BTBD16: variants seen among roughly 807,000 people sequenced by gnomAD.
The protein encoded by BTBD16 is BTB/POZ domain-containing protein 16.
A neutral mutation model predicts 67.4 loss-of-function variants in BTBD16; 66 were observed. The ratio of observed to expected loss-of-function variants is 0.98; its 90% CI spans 0.80 to 1.20. BTBD16 has a LOEUF of 1.20. Among genes scored for constraint, BTBD16 ranks in the 50% most tolerant of loss-of-function variants. BTBD16 has a pLI of 0.00. For missense variants in BTBD16, 634 were observed against 616.0 expected (o/e 1.03, Z -0.31); for synonymous variants, 242 against 236.4 (o/e 1.02, Z -0.22).
At chr10:122,302,598 C>A (rs116776547) in intron 9 of BTBD16, among the ~76,000 whole-genome samples, 1 of 152,208 alleles carries the variant, frequency 6.6e-6, no homozygotes, top group Admixed American at 6.5e-5. Context: ...TTGCATCTGT[C>A]CCATGGCTTT....
intron 10 of BTBD16, among the ~76,000 whole-genome samples, chr10:122,320,818 A>T (rs568200557): frequency 2.8e-4 from 43 of 152,252 alleles, no homozygotes; most frequent in Non-Finnish European, 4.7e-4. Context: ...AAAATTTTTT[A>T]AAAGTCTTTA....
chr10:122,323,080 T>C (rs986108549), intron 10 of BTBD16, among the ~76,000 whole-genome samples: 6 of 152,260 alleles, frequency 3.9e-5, no homozygotes, highest in Non-Finnish European at 2.9e-5. Context: ...CTTTGAATGT[T>C]CTTTAATGGT....
At position 122,297,827 on chromosome 10, in the gene BTBD16, C is replaced by G; in HGVS notation, c.650C>G (p.Ala217Gly). The G allele has an allele frequency of 6.2e-7, 1 of 1,614,126 alleles. No individual in the cohort carries two copies. Among genetic ancestry groups the G allele is most frequent in the Non-Finnish European group, 8.5e-7 (1 of 1,180,002 alleles). ...KPSTIKKFYEAGCKYKEEQLT... is the reference protein window; with the variant it reads ...KPSTIKKFYEGGCKYKEEQLT... ...AGCACCATCAAGAAATTCTACGAGG[C>G]CGGCTGCAAGGTGAGAACAACCCAG... Residue 217 changes from alanine to glycine, a missense_variant, in exon 8 of 16, where the codon GCC becomes GGC. Physicochemically the swap from Ala to Gly is moderately conservative, Grantham distance 60. Transcript: ENST00000260723.
chr10:122,282,823 C>T (rs1048138603), intron 3 of BTBD16, among the ~76,000 whole-genome samples: 1 of 152,190 alleles, frequency 6.6e-6, no homozygotes, highest in Non-Finnish European at 1.5e-5. Flanking sequence ...GGGAAAATCC[C>T]AGGACGGGCA....
chr10:122,321,865 C>A (rs1448626333), intron 10 of BTBD16, among the ~76,000 whole-genome samples: 2 of 152,040 alleles, frequency 1.3e-5, no homozygotes, highest in Non-Finnish European at 2.9e-5. Flanking sequence ...GTTTTTATTG[C>A]AATTGCTTTT....
intron 10 of BTBD16, among the ~76,000 whole-genome samples, chr10:122,318,072 T>C (rs1277680839): frequency 6.6e-6 from 1 of 152,062 alleles, no homozygotes; most frequent in East Asian, 1.9e-4. Flanking sequence ...CACAAACACA[T>C]GTGTTGTGCT....
In BTBD16 at chr10:122,329,624, C is replaced by T; in HGVS notation, c.1003+53C>T. The T allele has an allele frequency of 6.0e-6, 9 of 1,507,090 alleles. No homozygotes were observed. In the South Asian group the frequency reaches 9.1e-5, roughly 15 times the overall value. 93.4% of individuals were successfully genotyped at this position (1,507,090 alleles called of 1,614,324 possible). On this transcript the variant is annotated intron_variant, in intron 11 of 15. Transcript: ENST00000260723. The stretch of plus-strand genomic sequence containing the variant: ...CACGGGAAAGCTGCTGGGCACCTGC[C>T]CACCCCCCAGCCACTGCCGGGGGAG...
At chr10:122,301,454 C>T (rs1169071471) in intron 9 of BTBD16, among the ~76,000 whole-genome samples, 1 of 152,088 alleles carries the variant, frequency 6.6e-6, no homozygotes, top group Non-Finnish European at 1.5e-5. Flanking sequence ...CACAGACAGT[C>T]CAGGGCTATC....
At chr10:122,298,894 C>G in intron 8 of BTBD16, 110 bp from the exon 9 acceptor site, 1 of 1,396,046 alleles carries the variant, frequency 7.2e-7, no homozygotes, top group Non-Finnish European at 9.6e-7. Flanking sequence ...AAGGTTTGAG[C>G]GCCTCTGCAG....
chr10:122,310,986 C>G (rs2096412772), intron 10 of BTBD16, among the ~76,000 whole-genome samples: 1 of 149,956 alleles, frequency 6.7e-6, no homozygotes, highest in South Asian at 2.1e-4. Flanking sequence ...CTTTCCTCAT[C>G]TGTCTCAGCA....
At chr10:122,307,923 C>T (rs1440429617) in intron 10 of BTBD16, among the ~76,000 whole-genome samples, 1 of 152,210 alleles carries the variant, frequency 6.6e-6, no homozygotes, top group Non-Finnish European at 1.5e-5. Flanking sequence ...CTGTGCGCTG[C>T]GTTAAGTAAA....
intron 10 of BTBD16, among the ~76,000 whole-genome samples, chr10:122,309,609 C>T (rs1337709946): frequency 6.6e-6 from 1 of 152,138 alleles, no homozygotes; most frequent in Non-Finnish European, 1.5e-5. Flanking sequence ...TCCCAAAGTG[C>T]TGGCATTACA....
intron 10 of BTBD16, among the ~76,000 whole-genome samples, chr10:122,318,724 T>A (rs1395001304): frequency 6.6e-6 from 1 of 152,178 alleles, no homozygotes; most frequent in African/African-American, 2.4e-5. Context: ...TAGCTGGGAT[T>A]ACAGGCACAT....
At chr10:122,308,389 C>G (rs1200737371) in intron 10 of BTBD16, among the ~76,000 whole-genome samples, 1 of 152,160 alleles carries the variant, frequency 6.6e-6, no homozygotes, top group Admixed American at 6.5e-5. Flanking sequence ...CTTTTCGAAT[C>G]TACGTTGATT....
At chr10:122,330,689 G>A (rs2096453725) in intron 11 of BTBD16, among the ~76,000 whole-genome samples, 1 of 152,080 alleles carries the variant, frequency 6.6e-6, no homozygotes, top group African/African-American at 2.4e-5. Flanking sequence ...TGGTTCCTTT[G>A]GAAGTTTGTT....
intron 7 of BTBD16, chr10:122,294,145 G>T (rs1415026663): frequency 2.0e-6 from 2 of 985,322 alleles, no homozygotes; most frequent in Non-Finnish European, 2.4e-6. Context: ...AGGCCAGGGC[G>T]GGCCTGCACA....
intron 1 of BTBD16, among the ~76,000 whole-genome samples, chr10:122,272,678 T>TACACACACAC (rs112265160): frequency 0.013 from 1,921 of 147,676 alleles, 31 homozygotes; most frequent in African/African-American, 0.038. Flanking sequence ...GCAAAGGAAA[T>TACACACACAC]ACACACACAC....
intron 4 of BTBD16, among the ~76,000 whole-genome samples, chr10:122,284,827 T>C (rs2096360462): frequency 6.6e-6 from 1 of 152,150 alleles, no homozygotes. Context: ...TCTCCTGGCA[T>C]GAGAGAAAGA....
At chr10:122,326,154 A>G (rs1305229945) in intron 10 of BTBD16, among the ~76,000 whole-genome samples, 1 of 152,202 alleles carries the variant, frequency 6.6e-6, no homozygotes, top group Non-Finnish European at 1.5e-5. Context: ...TCAAATAAGC[A>G]AAGTCACTTT....
Sources: allele counts gnomAD v4.1 joint callset (sites outside exome capture counted in the v4.1 genomes callset), GRCh38; gene constraint gnomAD v4.1.1; transcripts MANE v1.5; gene names NCBI Gene and HGNC (gene_info 2026-07-23, HGNC 2026-07-21).